STK32B: variants seen among roughly 807,000 people sequenced by gnomAD.
STK32B encodes the protein serine/threonine kinase 32B, also known as serine/threonine-protein kinase 32B.
In STK32B, 43 loss-of-function variants were observed where a neutral mutation model predicts 52.6. The observed-to-expected ratio is 0.82, with a 90% confidence interval of 0.64 to 1.05. The LOEUF is 1.05. Ranked by LOEUF, STK32B falls within the 50% of genes least tolerant of loss-of-function variation. STK32B has a pLI of 0.00. For missense variants in STK32B, 621 were observed against 534.6 expected, an observed-to-expected ratio of 1.16 and a Z score of -1.59; for synonymous variants, 238 against 204.3, an observed-to-expected ratio of 1.17 and a Z score of -1.41.
chr4:5,449,556 C>G (rs1316341825), intron 7 of STK32B, among the ~76,000 whole-genome samples: 2 of 152,184 alleles, frequency 1.3e-5, no homozygotes, highest in Admixed American at 6.5e-5. Flanking sequence ...ACAGTGCAGA[C>G]CAGGGTTCTC....
In STK32B at chr4:5,398,821, C is replaced by CTCG. The variant is rs1553883996; in HGVS notation, c.472+579_472+580insGTC. 2.0e-5 allele frequency among the ~76,000 whole-genome samples: 3 copies of CTCG among 152,082 alleles called. No individual in the cohort carries two copies. Among genetic ancestry groups the CTCG allele is most frequent in the African/African-American group, 4.8e-5 (2 of 41,320 alleles). ...TTAGTAAGTCTGAGATGGGACTAGA[C>CTCG]TCTGCAAAGTCCAGAGTCTGCAAAG... On this transcript the variant is annotated intron_variant, in intron 5 of 11. Transcript: ENST00000282908. This position sits in a 1 kb window ranked among gnomAD's most constrained non-coding sequence, Gnocchi z 4.9.
At chr4:5,281,316 C>G (rs28459108) in intron 3 of STK32B, among the ~76,000 whole-genome samples, 5,666 of 152,188 alleles carry the variant, frequency 0.037, 181 homozygotes, top group African/African-American at 0.072. Context: ...AACATGATGT[C>G]CATTCTCAGC....
chr4:5,379,955 A>T (rs1735834736), intron 4 of STK32B, among the ~76,000 whole-genome samples: 1 of 152,154 alleles, frequency 6.6e-6, no homozygotes, highest in Non-Finnish European at 1.5e-5. Flanking sequence ...CCAAGCTGGG[A>T]ACAGTTCAGA....
chr4:5,111,448 A>G (rs1390929870), intron 1 of STK32B, among the ~76,000 whole-genome samples: 1 of 152,148 alleles, frequency 6.6e-6, no homozygotes, highest in African/African-American at 2.4e-5. Context: ...AAAGGAAAAC[A>G]TCGTGTCCTT....
intron 7 of STK32B, 152 bp from the exon 8 acceptor site, chr4:5,456,655 T>A: frequency 1.5e-6 from 1 of 671,538 alleles, no homozygotes; most frequent in Non-Finnish European, 2.3e-6. Context: ...GGCACTTGGG[T>A]TCGGGCCACC....
intron 3 of STK32B, among the ~76,000 whole-genome samples, chr4:5,309,236 T>C (rs762373719): frequency 6.6e-6 from 1 of 151,708 alleles, no homozygotes; most frequent in African/African-American, 2.4e-5. Context: ...TGAAAGAAAA[T>C]GAAGAAGACA....
At position 5,341,100 on chromosome 4, in the gene STK32B, C is replaced by T. The variant is rs553008973; in HGVS notation, c.434+9707C>T. Among the ~76,000 whole-genome samples, 8 of 152,270 alleles carry T rather than the reference C, an allele frequency of 5.3e-5. 1 individual carries two copies. Among genetic ancestry groups the T allele is most frequent in the African/African-American group, 1.9e-4 (8 of 41,540 alleles). On this transcript the variant is annotated intron_variant, in intron 4 of 11. Coordinates refer to ENST00000282908, the MANE Select transcript of STK32B (RefSeq NM_018401.3). Reference sequence around the variant, plus strand: ...ATTGCACTGAACTGTTTACAGAATGCTCATAGAGTGAGTGCCTGCATATAT... The same window carrying T: ...ATTGCACTGAACTGTTTACAGAATGTTCATAGAGTGAGTGCCTGCATATAT...
intron 3 of STK32B, among the ~76,000 whole-genome samples, chr4:5,197,345 C>G (rs904935033): frequency 3.9e-5 from 6 of 152,170 alleles, no homozygotes; most frequent in Non-Finnish European, 7.3e-5. Flanking sequence ...CAGAGCATGA[C>G]TTGGTTGACT....
chr4:5,262,538 T>C (rs1321281268), intron 3 of STK32B, among the ~76,000 whole-genome samples: 1 of 149,002 alleles, frequency 6.7e-6, no homozygotes, highest in Non-Finnish European at 1.5e-5. Context: ...GGCAGGAGAA[T>C]GGCGTGAACC....
intron 1 of STK32B, among the ~76,000 whole-genome samples, chr4:5,053,748 C>T (rs183986976): frequency 2.0e-5 from 3 of 152,078 alleles, no homozygotes; most frequent in Admixed American, 6.5e-5. Flanking sequence ...TTTGGGAGGC[C>T]GAGGTGGACG....
intron 6 of STK32B, among the ~76,000 whole-genome samples, chr4:5,441,591 G>A (rs1714763839): frequency 1.3e-5 from 2 of 151,610 alleles, no homozygotes; most frequent in African/African-American, 2.4e-5. Context: ...GGTTTTTTGT[G>A]TCTCTATTTC....
At chr4:5,468,130 C>A in intron 11 of STK32B, 60 bp downstream of exon 11, 4 of 1,568,684 alleles carry the variant, frequency 2.5e-6, no homozygotes, top group Non-Finnish European at 3.5e-6. Context: ...CAAGGTCCTC[C>A]TGGCAGAATC....
Position 5,273,991 on chromosome 4 carries a change from TA to T in STK32B, c.261-57220del, listed in dbSNP as rs549792517. 3.4e-3 allele frequency among the ~76,000 whole-genome samples: 511 copies of T among 149,154 alleles called. 1 individual carries two copies. Among genetic ancestry groups the T allele is most frequent in the African/African-American group, 9.9e-3 (402 of 40,580 alleles). ...ATGTACCCTAAAACTTAAAGTATAA[TA>T]AAAAAAAAGAAACAAAAAAACAAAA... On this transcript the variant is annotated intron_variant, in intron 3 of 11. Coordinates refer to ENST00000282908, the MANE Select transcript of STK32B (RefSeq NM_018401.3).
At chr4:5,223,585 G>T (rs865835544) in intron 3 of STK32B, among the ~76,000 whole-genome samples, 2 of 151,870 alleles carry the variant, frequency 1.3e-5, no homozygotes, top group African/African-American at 4.8e-5. Context: ...AGGCTGAGGC[G>T]GGCGAATCAC....
chr4:5,092,828 C>T (rs956794110), intron 1 of STK32B, among the ~76,000 whole-genome samples: 3 of 152,106 alleles, frequency 2.0e-5, no homozygotes, highest in Admixed American at 2.0e-4. Context: ...GGTCACACCT[C>T]CAACAATGGG....
chr4:5,040,392 T>TA, the STK32B span, among the ~76,000 whole-genome samples: 1 of 42,340 alleles, frequency 2.4e-5, no homozygotes, highest in Non-Finnish European at 8.5e-5. Context: ...AGTAGAATTT[T>TA]TTTTTTTTTT....
intron 3 of STK32B, among the ~76,000 whole-genome samples, chr4:5,327,369 C>T (rs925738496): frequency 1.3e-5 from 2 of 151,014 alleles, no homozygotes; most frequent in Non-Finnish European, 2.9e-5. Flanking sequence ...CCAGATCCAT[C>T]AAAGCAATCA....
chr4:5,075,903 T>C (rs560367366), intron 1 of STK32B, among the ~76,000 whole-genome samples: 57 of 152,340 alleles, frequency 3.7e-4, no homozygotes, highest in South Asian at 3.7e-3. Context: ...CCTGATTGTT[T>C]CAGTCAGTTT....
chr4:5,280,873 T>C (rs1728147866), intron 3 of STK32B, among the ~76,000 whole-genome samples: 1 of 152,050 alleles, frequency 6.6e-6, no homozygotes, highest in Admixed American at 6.6e-5. Flanking sequence ...CACTCCAGCC[T>C]GGGAGACAGA....
Sources: gnomAD v4.1 joint callset for allele counts (sites outside exome capture counted in the v4.1 genomes callset) on GRCh38, gnomAD v4.1.1 for gene constraint, Gnocchi (gnomAD v3.1) non-coding constraint, MANE v1.5 for transcripts, NCBI Gene and HGNC (gene_info 2026-07-23, HGNC 2026-07-21) for gene names.